The following KSR2 variants were observed in gnomAD, a reference collection of about 807,000 sequenced individuals.
KSR2 encodes kinase suppressor of ras 2.
In KSR2, 25 loss-of-function variants were observed where a neutral mutation model predicts 107.8. The observed-to-expected ratio is 0.23, with a 90% CI of 0.17 to 0.32. The LOEUF is 0.32. Among genes scored for constraint, KSR2 ranks in the 10% least tolerant of loss-of-function variants. KSR2 has a pLI of 1.00. For missense variants in KSR2, 887 were observed against 1,268.9 expected (o/e 0.70, Z 4.57); for synonymous variants, 480 against 507.0 (o/e 0.95, Z 0.71).
chr12:117,719,380 G>C (rs1887121383), intron 4 of KSR2, among the ~76,000 whole-genome samples: 1 of 152,156 alleles, frequency 6.6e-6, no homozygotes, highest in African/African-American at 2.4e-5. Flanking sequence ...ACTTTTAGTA[G>C]AGACAGGGTT....
intron 5 of KSR2, among the ~76,000 whole-genome samples, chr12:117,667,087 CA>C (rs1884687768): frequency 6.6e-6 from 1 of 152,132 alleles, no homozygotes; most frequent in Non-Finnish European, 1.5e-5. Flanking sequence ...CCACAGCAGC[CA>C]AGAAAAATCC....
At chr12:117,719,177 C>T (rs968012187) in intron 4 of KSR2, among the ~76,000 whole-genome samples, 1 of 152,102 alleles carries the variant, frequency 6.6e-6, no homozygotes, top group Non-Finnish European at 1.5e-5. Flanking sequence ...AAATTCCATG[C>T]TTCCACTTTT....
At chr12:117,509,927 A>G (rs986265972) in intron 14 of KSR2, among the ~76,000 whole-genome samples, 6 of 152,214 alleles carry the variant, frequency 3.9e-5, no homozygotes, top group Admixed American at 2.0e-4. Flanking sequence ...TTCTACTGCC[A>G]TCAAAGGGAG....
chr12:117,713,098 AT>A (rs1886851407), intron 4 of KSR2, among the ~76,000 whole-genome samples: 1 of 150,112 alleles, frequency 6.7e-6, no homozygotes. Context: ...ATAGATAGAT[AT>A]TTGGATAGAT....
intron 14 of KSR2, among the ~76,000 whole-genome samples, chr12:117,498,339 C>T (rs1873169576): frequency 6.6e-6 from 1 of 152,076 alleles, no homozygotes; most frequent in African/African-American, 2.4e-5. Context: ...CATGTTAATC[C>T]TTATCATGCA....
chr12:117,606,655 C>T (rs1173697368), intron 5 of KSR2, among the ~76,000 whole-genome samples: 3 of 132,442 alleles, frequency 2.3e-5, no homozygotes, highest in Non-Finnish European at 4.8e-5. Flanking sequence ...CTTCTTCCTT[C>T]CCTCCTCCTT....
chr12:117,610,292 T>C (rs1881520574), intron 5 of KSR2, among the ~76,000 whole-genome samples: 1 of 152,168 alleles, frequency 6.6e-6, no homozygotes, highest in South Asian at 2.1e-4. Context: ...TAATCACGGA[T>C]GCTCGCAAAG....
At chr12:117,891,347 C>G (rs1474556147) in intron 1 of KSR2, among the ~76,000 whole-genome samples, 3 of 151,112 alleles carry the variant, frequency 2.0e-5, no homozygotes, top group Non-Finnish European at 4.4e-5. Context: ...ACCCAGGAGG[C>G]AGAGGTTACA....
chr12:117,471,079 T>A, intron 18 of KSR2, 112 bp downstream of exon 18: 1 of 1,297,272 alleles, frequency 7.7e-7, no homozygotes, highest in Non-Finnish European at 1.0e-6. Flanking sequence ...CATATTTTTT[T>A]GGTCACCCTA....
chr12:117,893,377 GTGA>G (rs970460990), intron 1 of KSR2, among the ~76,000 whole-genome samples: 2 of 152,136 alleles, frequency 1.3e-5, no homozygotes, highest in African/African-American at 4.8e-5. Context: ...CAAAGAATCA[GTGA>G]GGCTCAGTTT....
At chr12:117,902,633 C>T (rs918542807) in intron 1 of KSR2, among the ~76,000 whole-genome samples, 11 of 151,550 alleles carry the variant, frequency 7.3e-5, no homozygotes, top group African/African-American at 2.7e-4. Context: ...TTAGGAGAAA[C>T]ACCTAATGTA....
chr12:117,938,149 G>A (rs1234550789), intron 1 of KSR2, among the ~76,000 whole-genome samples: 2 of 151,914 alleles, frequency 1.3e-5, no homozygotes, highest in Admixed American at 6.6e-5. Context: ...TCAGGTCTTC[G>A]CTTTAGCATC....
At chr12:117,838,626 T>C (rs1892340871) in intron 3 of KSR2, among the ~76,000 whole-genome samples, 1 of 152,142 alleles carries the variant, frequency 6.6e-6, no homozygotes, top group African/African-American at 2.4e-5. Context: ...TCTTGATCAA[T>C]TACAGCCCCC....
rs372317080 is a variant in KSR2 at position 117,761,178 on chromosome 12, C to T, written c.819G>A (p.Pro273=). 379 of 1,597,816 alleles carry T rather than the reference C, an allele frequency of 2.4e-4. No homozygotes were observed. The highest frequency in any genetic ancestry group is 2.8e-4 in the Non-Finnish European group (325 of 1,170,934). The part of the protein sequence containing the change: ...RTPNIVTTVT[P]PGTPPMRKKN... ...TCTTCCTCATGGGCGGCGTGCCCGG[C>T]GGGGTCACGGTGGTGACGATGTTGG... The change falls in exon 4 of 20, where the codon CCG becomes CCA. Residue 273 remains proline, a synonymous_variant. Transcript: ENST00000339824.
intron 13 of KSR2, 27 bp from the exon 14 acceptor site, chr12:117,525,246 G>A (rs1200287723): frequency 1.3e-6 from 2 of 1,550,700 alleles, no homozygotes; most frequent in Admixed American, 1.8e-5. Context: ...AGAGAGGTCA[G>A]AATTGTGTCT....
At chr12:117,799,008 C>T (rs1313453670) in intron 3 of KSR2, among the ~76,000 whole-genome samples, 1 of 152,126 alleles carries the variant, frequency 6.6e-6, no homozygotes, top group African/African-American at 2.4e-5. Flanking sequence ...GTGTAGAAGT[C>T]CCCTTATCTG....
intron 4 of KSR2, among the ~76,000 whole-genome samples, chr12:117,732,583 C>T (rs530160432): frequency 3.3e-5 from 5 of 152,302 alleles, no homozygotes; most frequent in African/African-American, 1.2e-4. Flanking sequence ...AGCCACAGCG[C>T]CTGGCCCTGA....
chr12:117,570,205 T>C (rs1172906551), intron 7 of KSR2, among the ~76,000 whole-genome samples: 1 of 152,136 alleles, frequency 6.6e-6, no homozygotes, highest in Non-Finnish European at 1.5e-5. Flanking sequence ...GGTTTCACTG[T>C]GTTAGCCAGG....
intron 4 of KSR2, among the ~76,000 whole-genome samples, chr12:117,674,015 T>G (rs1220921976): frequency 1.3e-5 from 2 of 152,194 alleles, no homozygotes; most frequent in African/African-American, 2.4e-5. Context: ...GGGGCTGGGC[T>G]AAGCCAAGGC....
Sources: gnomAD v4.1 joint callset for allele counts (sites outside exome capture counted in the v4.1 genomes callset) on GRCh38, gnomAD v4.1.1 for gene constraint, MANE v1.5 for transcripts, NCBI Gene and HGNC (gene_info 2026-07-23, HGNC 2026-07-21) for gene names.